The following LMO7 variants were observed in gnomAD, a reference collection of about 807,000 sequenced individuals.
LMO7 encodes the protein LIM domain 7, also known as LIM domain only protein 7.
LMO7 carries 120 observed loss-of-function variants against 206.5 expected under a neutral mutation model. That is an observed-to-expected ratio of 0.58 (90% CI 0.50 to 0.68). The LOEUF (loss-of-function observed/expected upper bound fraction) is 0.68. Among genes scored for constraint, LMO7 ranks in the 30% least tolerant of loss-of-function variants. LMO7 has a pLI of 0.00. For missense variants in LMO7, 1,959 were observed against 1,957.9 expected (o/e 1.00, Z -0.01); for synonymous variants, 706 against 681.5 (o/e 1.04, Z -0.56).
intron 11 of LMO7, among the ~76,000 whole-genome samples, chr13:75,815,286 G>T (rs987589414): frequency 6.6e-6 from 1 of 152,178 alleles, no homozygotes; most frequent in Non-Finnish European, 1.5e-5. Context: ...ACTTGGATCA[G>T]GGTGTAATGG....
chr13:75,786,326 G>A (rs1397210238), intron 4 of LMO7, among the ~76,000 whole-genome samples: 1 of 151,724 alleles, frequency 6.6e-6, no homozygotes, highest in African/African-American at 2.4e-5. Flanking sequence ...TTAAGTGTTG[G>A]GTTTGTGAGG....
At chr13:75,701,439 C>T (rs909639365) in intron 1 of LMO7, among the ~76,000 whole-genome samples, 2 of 152,202 alleles carry the variant, frequency 1.3e-5, no homozygotes, top group Admixed American at 1.3e-4. Context: ...ACAGCGATGC[C>T]TTTCCTAGTA....
intron 1 of LMO7, among the ~76,000 whole-genome samples, chr13:75,644,449 A>T (rs956111380): frequency 6.6e-6 from 1 of 152,178 alleles, no homozygotes; most frequent in African/African-American, 2.4e-5. Context: ...AGGAATTAAG[A>T]ATCAGAAAAG....
chr13:75,770,713 G>A (rs776532977), intron 4 of LMO7, among the ~76,000 whole-genome samples: 17 of 152,090 alleles, frequency 1.1e-4, no homozygotes, highest in Non-Finnish European at 2.2e-4. Flanking sequence ...CTGTCACTAT[G>A]ATGCAATTAA....
At chr13:75,714,113 TAG>T (rs1438389080) in intron 2 of LMO7, among the ~76,000 whole-genome samples, 4 of 152,204 alleles carry the variant, frequency 2.6e-5, no homozygotes, top group Non-Finnish European at 5.9e-5. Flanking sequence ...CACTAGTACT[TAG>T]AGATTTTGAT....
chr13:75,640,215 G>T (rs1017479666), intron 1 of LMO7, among the ~76,000 whole-genome samples: 2 of 318 alleles, frequency 6.3e-3, no homozygotes, highest in Non-Finnish European at 0.013. Flanking sequence ...TTTTAACAAA[G>T]ATTTACCATA....
intron 2 of LMO7, among the ~76,000 whole-genome samples, chr13:75,623,882 C>T (rs1380386622): frequency 6.6e-6 from 1 of 152,120 alleles, no homozygotes; most frequent in Non-Finnish European, 1.5e-5. Context: ...GCCTGTTCTA[C>T]TAGTGGGAGA....
chr13:75,636,128 C>T (rs1205688354), upstream of LMO7: 12 of 208,014 alleles, frequency 5.8e-5, no homozygotes, highest in Admixed American at 3.9e-4. Flanking sequence ...CCCAGCGGGG[C>T]CCGGGCCGCG....
intron 3 of LMO7, among the ~76,000 whole-genome samples, chr13:75,742,445 G>A (rs2046490549): frequency 6.6e-6 from 1 of 152,140 alleles, no homozygotes; most frequent in Admixed American, 6.5e-5. Context: ...AATAAAGCTG[G>A]AGGCATCATA....
intron 4 of LMO7, among the ~76,000 whole-genome samples, chr13:75,786,213 A>G (rs765033819): frequency 3.3e-5 from 5 of 152,234 alleles, no homozygotes; most frequent in East Asian, 3.9e-4. Flanking sequence ...AATGATTGAT[A>G]TAAAGTGTCT....
At chr13:75,803,708 G>A (rs904206574) in intron 7 of LMO7, among the ~76,000 whole-genome samples, 11 of 152,022 alleles carry the variant, frequency 7.2e-5, no homozygotes, top group African/African-American at 2.7e-4. Context: ...CTCTCATTTG[G>A]GCATAAGACT....
intron 3 of LMO7, among the ~76,000 whole-genome samples, chr13:75,729,751 A>G (rs1188388075): frequency 6.6e-6 from 1 of 151,692 alleles, no homozygotes. Flanking sequence ...TCATTATGAT[A>G]TTGTCTGTGG....
intron 1 of LMO7, among the ~76,000 whole-genome samples, chr13:75,658,408 A>T (rs567923485): frequency 2.6e-5 from 4 of 152,178 alleles, no homozygotes; most frequent in African/African-American, 9.6e-5. Flanking sequence ...CAACATCTTT[A>T]CAATGTTTTA....
chr13:75,673,773 A>G (rs1839797326), intron 1 of LMO7, among the ~76,000 whole-genome samples: 1 of 152,228 alleles, frequency 6.6e-6, no homozygotes, highest in African/African-American at 2.4e-5. Flanking sequence ...GAAGGAAATA[A>G]TGCTTATTGA....
chr13:75,857,969 T>TA lies in LMO7; in HGVS notation c.*26_*27insA. 2 of 1,610,394 alleles carry TA rather than the reference T, an allele frequency of 1.2e-6. No homozygotes were observed. Among genetic ancestry groups the TA allele is most frequent in the South Asian group, 2.2e-5 (2 of 90,586 alleles). On this transcript the variant is annotated 3_prime_UTR_variant, in exon 31 of 31. Transcript: ENST00000377534. ...TGTAAGCCTCCATACGAAAGCACTG[T>TA]TGCAGATAGAAGAAGAGGTGGTTGC...
intron 15 of LMO7, among the ~76,000 whole-genome samples, chr13:75,830,398 T>C (rs2058548680): frequency 1.3e-5 from 2 of 152,186 alleles, no homozygotes; most frequent in Admixed American, 1.3e-4. Context: ...AAGACTTTGA[T>C]TTGAAACTAG....
At chr13:75,754,890 T>A (rs1433091350) in intron 3 of LMO7, among the ~76,000 whole-genome samples, 1 of 152,210 alleles carries the variant, frequency 6.6e-6, no homozygotes, top group East Asian at 1.9e-4. Context: ...AACACTCTTT[T>A]CAGGATTTAT....
chr13:75,853,275 A>G lies in LMO7; in HGVS notation c.4548A>G (p.Pro1516=), dbSNP rs1193678845. The G allele has an allele frequency of 6.2e-7, 1 of 1,613,606 alleles. No homozygotes were observed. The highest frequency in any genetic ancestry group is 1.7e-5 in the Admixed American group (1 of 59,972). Residue 1516 remains proline (P), a synonymous_variant, in exon 28 of 31, where the codon CCA becomes CCG. Coordinates refer to ENST00000377534, the MANE Select transcript of LMO7 (RefSeq NM_001306080.2). ...GGAACCCCTCCTCCAGCGTGCCCCC[A>G]CCTTCAGCTGGCTCCGTGAAGACCT... is the stretch of plus-strand genomic sequence containing the variant. ...YMRNPSSSVP[P]PSAGSVKTST...
At chr13:75,807,255 G>T in intron 9 of LMO7, 1 of 522,788 alleles carries the variant, frequency 1.9e-6, no homozygotes, top group Non-Finnish European at 3.4e-6. Context: ...TGAGAAGTAT[G>T]CTCTGCTCTT....
Sources: gnomAD v4.1 joint callset for allele counts (sites outside exome capture counted in the v4.1 genomes callset) on GRCh38, gnomAD v4.1.1 for gene constraint, MANE v1.5 for transcripts, NCBI Gene and HGNC (gene_info 2026-07-23, HGNC 2026-07-21) for gene names.